The following AOPEP variants were observed in gnomAD, a reference collection of about 807,000 sequenced individuals.
The protein encoded by AOPEP is aminopeptidase O (putative).
AOPEP carries 77 observed loss-of-function variants against 98.1 expected under a neutral mutation model. The ratio of observed to expected loss-of-function variants is 0.78; its 90% CI spans 0.65 to 0.95. The LOEUF is 0.95. Ranked by LOEUF, AOPEP falls within the 40% of genes least tolerant of loss-of-function variation. AOPEP has a pLI of 0.00. For synonymous variants in AOPEP, 346 were observed against 365.3 expected (o/e 0.95, Z 0.60); for missense variants, 1,024 against 1,024.7 (o/e 1.00, Z 0.01).
chr9:95,040,753 C>A (rs2065216075), intron 13 of AOPEP, among the ~76,000 whole-genome samples: 1 of 152,218 alleles, frequency 6.6e-6, no homozygotes, highest in African/African-American at 2.4e-5. Flanking sequence ...CTTGTCCTCT[C>A]TTTTGCAAAG....
intron 5 of AOPEP, among the ~76,000 whole-genome samples, chr9:94,871,042 C>T (rs1430867413): frequency 2.6e-5 from 4 of 152,198 alleles, no homozygotes; most frequent in African/African-American, 4.8e-5. Flanking sequence ...TCCACTCTTC[C>T]TAATGTGGGT....
intron 13 of AOPEP, chr9:95,019,250 ATTG>A (rs2063269475): frequency 6.6e-6 from 1 of 152,126 alleles, no homozygotes; most frequent in Non-Finnish European, 1.5e-5. Context: ...GAGCAACTGT[ATTG>A]TTTTATTTGC....
At chr9:94,820,021 C>A (rs1291622133) in intron 5 of AOPEP, among the ~76,000 whole-genome samples, 1 of 145,260 alleles carries the variant, frequency 6.9e-6, no homozygotes, top group Non-Finnish European at 1.5e-5. Flanking sequence ...TCTCGGCTCA[C>A]TGCAACCTCT....
chr9:95,146,722 T>G, the AOPEP span, among the ~76,000 whole-genome samples: 1 of 151,924 alleles, frequency 6.6e-6, no homozygotes, highest in African/African-American at 2.4e-5. Flanking sequence ...TTTCAAACAC[T>G]GCAGACAGAG....
chr9:94,854,489 G>A lies in AOPEP; in HGVS notation c.1364+53487G>A, dbSNP rs1453541259. On this transcript the variant is annotated intron_variant, in intron 5 of 16. Transcript: ENST00000375315. Reference sequence around the variant, plus strand: ...ACAAGAAATCCTGTTATAGGTATGTGAGGGCAGAGACCATCTTCTGGTTTC... The same window carrying A: ...ACAAGAAATCCTGTTATAGGTATGTAAGGGCAGAGACCATCTTCTGGTTTC... Among the ~76,000 whole-genome samples the A allele has an allele frequency of 2.6e-5, 4 of 152,222 alleles. 1 individual carries two copies. The highest frequency in any genetic ancestry group is 1.3e-4 in the Admixed American group (2 of 15,284).
intron 14 of AOPEP, among the ~76,000 whole-genome samples, chr9:95,062,621 G>A (rs2067425901): frequency 1.3e-5 from 2 of 152,222 alleles, no homozygotes; most frequent in South Asian, 4.1e-4. Flanking sequence ...AAGGAGGGAC[G>A]AGATTACTAT....
At chr9:94,760,604 G>T (rs1838029867) in intron 2 of AOPEP, 24 bp downstream of exon 2, 1 of 1,516,006 alleles carries the variant, frequency 6.6e-7, no homozygotes, top group Non-Finnish European at 8.8e-7. Context: ...GCACTTCAAA[G>T]CCCTGTGCCT....
chr9:95,071,908 G>GC (rs1164689426), intron 14 of AOPEP, among the ~76,000 whole-genome samples: 1 of 152,192 alleles, frequency 6.6e-6, no homozygotes, highest in African/African-American at 2.4e-5. Flanking sequence ...AATTTGACCT[G>GC]CAGAGGGAAG....
chr9:94,728,255 A>ACACACACACACACACC (rs1554690364), intron 1 of AOPEP, among the ~76,000 whole-genome samples: 1 of 151,832 alleles, frequency 6.6e-6, no homozygotes, highest in Non-Finnish European at 1.5e-5. Context: ...ACACACACAC[A>ACACACACACACACACC]CACACACACA....
intron 4 of AOPEP, among the ~76,000 whole-genome samples, 198 bp from the exon 5 acceptor site, chr9:94,800,559 A>G (rs957352257): frequency 6.6e-6 from 1 of 152,206 alleles, no homozygotes; most frequent in Non-Finnish European, 1.5e-5. Flanking sequence ...ATTGATTCAA[A>G]CACATGAATA....
chr9:94,776,594 G>A (rs1048767911), intron 3 of AOPEP, among the ~76,000 whole-genome samples: 3 of 152,174 alleles, frequency 2.0e-5, no homozygotes, highest in Admixed American at 2.0e-4. Context: ...GAGCCACTGC[G>A]CCCGACCTTT....
At chr9:94,852,608 T>C (rs187762020) in intron 5 of AOPEP, among the ~76,000 whole-genome samples, 1 of 152,368 alleles carries the variant, frequency 6.6e-6, no homozygotes, top group African/African-American at 2.4e-5. Context: ...TTTCTCAATG[T>C]GGCTCAAAGA....
chr9:95,025,904 A>G (rs1448766814), intron 13 of AOPEP, among the ~76,000 whole-genome samples: 1 of 152,148 alleles, frequency 6.6e-6, no homozygotes, highest in Non-Finnish European at 1.5e-5. Flanking sequence ...GCCGGCAGCA[A>G]GCAGTAATAA....
intron 1 of AOPEP, among the ~76,000 whole-genome samples, chr9:94,738,791 G>T (rs1832381207): frequency 6.6e-6 from 1 of 151,804 alleles, no homozygotes; most frequent in Non-Finnish European, 1.5e-5. Context: ...AGCCAGGATG[G>T]TCTCGATCTC....
chr9:94,747,773 G>A (rs1834852165), intron 1 of AOPEP, among the ~76,000 whole-genome samples: 1 of 152,258 alleles, frequency 6.6e-6, no homozygotes, highest in Non-Finnish European at 1.5e-5. Context: ...AAAGAAGAGT[G>A]CTGAAGGGCT....
At chr9:95,070,696 A>G (rs955224106) in intron 14 of AOPEP, among the ~76,000 whole-genome samples, 1 of 152,284 alleles carries the variant, frequency 6.6e-6, no homozygotes, top group Non-Finnish European at 1.5e-5. Flanking sequence ...AAATAAATAC[A>G]TCAGACTAGC....
chr9:94,735,422 G>C (rs1166800415), intron 1 of AOPEP, among the ~76,000 whole-genome samples: 2 of 152,048 alleles, frequency 1.3e-5, no homozygotes, highest in Non-Finnish European at 2.9e-5. Flanking sequence ...GGGTTTCACC[G>C]TGTTAGCCAG....
intron 5 of AOPEP, among the ~76,000 whole-genome samples, chr9:94,882,821 T>C (rs1255524908): frequency 6.6e-6 from 1 of 151,974 alleles, no homozygotes; most frequent in East Asian, 1.9e-4. Flanking sequence ...CAAACTTCCC[T>C]ATTGTGGTCA....
At chr9:94,893,887 C>G (rs2049153161) in intron 5 of AOPEP, among the ~76,000 whole-genome samples, 2 of 152,148 alleles carry the variant, frequency 1.3e-5, no homozygotes, top group Non-Finnish European at 2.9e-5. Context: ...AGAAATTAAT[C>G]ACATTGGAAG....
Sources: allele counts gnomAD v4.1 joint callset (sites outside exome capture counted in the v4.1 genomes callset), GRCh38; gene constraint gnomAD v4.1.1; transcripts MANE v1.5; gene names NCBI Gene and HGNC (gene_info 2026-07-23, HGNC 2026-07-21).